SMAD3: variants seen among roughly 807,000 people sequenced by gnomAD.
SMAD3 encodes the protein SMAD family member 3.
A neutral mutation model predicts 51.8 loss-of-function variants in SMAD3; 12 were observed. That is an observed-to-expected ratio of 0.23 (90% CI 0.15 to 0.38). The LOEUF (loss-of-function observed/expected upper bound fraction) is 0.38, where lower values mean the gene tolerates loss of function less well. Among genes scored for constraint, SMAD3 ranks in the 10% least tolerant of loss-of-function variants. The pLI is 1.00. For missense variants in SMAD3, 294 were observed against 565.6 expected (o/e 0.52, Z 4.87); for synonymous variants, 238 against 227.7 (o/e 1.05, Z -0.41).
At chr15:67,117,714 G>T (rs1371566770) in intron 1 of SMAD3, among the ~76,000 whole-genome samples, 2 of 152,216 alleles carry the variant, frequency 1.3e-5, no homozygotes, top group African/African-American at 2.4e-5. Context: ...CTGGAAACAT[G>T]ATCAAGTGTA....
At chr15:67,135,334 C>A (rs1325567870) in intron 1 of SMAD3, among the ~76,000 whole-genome samples, 1 of 152,232 alleles carries the variant, frequency 6.6e-6, no homozygotes, top group Non-Finnish European at 1.5e-5. Flanking sequence ...AGCCTGCCCC[C>A]TTCACAGTCC....
chr15:67,128,109 T>C (rs1015734734), intron 1 of SMAD3: 1 of 152,218 alleles, frequency 6.6e-6, no homozygotes, highest in African/African-American at 2.4e-5. Flanking sequence ...TAACCAAGCC[T>C]TGGCCAGACG....
rs750432084 is a variant in SMAD3, at chr15:67,190,524, C to G, written c.1266C>G (p.Ser422=). 1 of 1,614,096 alleles carries G rather than the reference C, an allele frequency of 6.2e-7. No individual in the cohort carries two copies. Among genetic ancestry groups the G allele is most frequent in the South Asian group, 1.1e-5 (1 of 91,064 alleles). ...TQMGSPSIRC[S]SVS ...TGGGCTCCCCAAGCATCCGCTGTTC[C>G]AGTGTGTCTTAGAGACATCAAGTAT... The change falls in exon 9 of 9, where the codon TCC becomes TCG. Residue 422 remains serine (S), a synonymous_variant. Coordinates refer to ENST00000327367, the MANE Select transcript of SMAD3 (RefSeq NM_005902.4).
intron 1 of SMAD3, among the ~76,000 whole-genome samples, chr15:67,094,995 G>T (rs1960586194): frequency 1.3e-5 from 2 of 152,194 alleles, no homozygotes; most frequent in Admixed American, 6.5e-5. Flanking sequence ...AGTTTCTCCA[G>T]CAGTAAAATG....
intron 5 of SMAD3, among the ~76,000 whole-genome samples, chr15:67,176,337 G>A (rs543785968): frequency 1.3e-5 from 2 of 152,298 alleles, no homozygotes; most frequent in South Asian, 4.1e-4. Context: ...AGGCAGGACT[G>A]AGAAGTGGTG....
chr15:67,165,121 G>C, intron 2 of SMAD3, 33 bp downstream of exon 2: 2 of 1,612,642 alleles, frequency 1.2e-6, no homozygotes, highest in East Asian at 2.2e-5. Context: ...GGGGACAGCA[G>C]GTGCCAGGGG....
chr15:67,172,715 C>T (rs1300610448), intron 5 of SMAD3, among the ~76,000 whole-genome samples: 1 of 152,212 alleles, frequency 6.6e-6, no homozygotes, highest in East Asian at 1.9e-4. Context: ...AGATTCACAG[C>T]TAGTGAATGG....
intron 1 of SMAD3, among the ~76,000 whole-genome samples, chr15:67,104,870 C>A (rs184836945): frequency 7.2e-5 from 11 of 152,344 alleles, no homozygotes; most frequent in Admixed American, 3.3e-4. Context: ...GGATCCAGTT[C>A]TTCTCCCCCT....
At chr15:67,169,530 C>G (rs1012026177) in intron 4 of SMAD3, among the ~76,000 whole-genome samples, 2 of 152,062 alleles carry the variant, frequency 1.3e-5, no homozygotes, top group Admixed American at 1.3e-4. Context: ...GCTGCCCAGG[C>G]TGGTGTGCAG....
At chr15:67,144,953 TC>T (rs1961934937) in intron 1 of SMAD3, among the ~76,000 whole-genome samples, 1 of 152,052 alleles carries the variant, frequency 6.6e-6, no homozygotes, top group Non-Finnish European at 1.5e-5. Context: ...CCTTGTGGAT[TC>T]CCTCATCCTC....
intron 1 of SMAD3, among the ~76,000 whole-genome samples, chr15:67,067,231 C>T (rs559301592): frequency 6.6e-6 from 1 of 152,304 alleles, no homozygotes; most frequent in African/African-American, 2.4e-5. Context: ...TCCCAAAGCG[C>T]GCTGCCATCT....
intron 1 of SMAD3, among the ~76,000 whole-genome samples, chr15:67,092,556 C>T (rs980845113): frequency 3.3e-5 from 5 of 152,138 alleles, no homozygotes; most frequent in Non-Finnish European, 7.3e-5. Flanking sequence ...GTACACTCTC[C>T]GAGGGCTGCT....
chr15:67,096,871 T>C (rs181594441), intron 1 of SMAD3, among the ~76,000 whole-genome samples: 1 of 152,322 alleles, frequency 6.6e-6, no homozygotes, highest in East Asian at 1.9e-4. Flanking sequence ...ATTCCAAGCT[T>C]CCAGGTGGTG....
chr15:67,158,858 G>A (rs756373452), intron 1 of SMAD3, among the ~76,000 whole-genome samples: 8 of 152,130 alleles, frequency 5.3e-5, no homozygotes, highest in African/African-American at 9.7e-5. Context: ...AGGACCTACC[G>A]TGTTCCTTAC....
intron 1 of SMAD3, among the ~76,000 whole-genome samples, chr15:67,113,076 G>GTGTATA (rs763595789): frequency 5.7e-5 from 2 of 34,970 alleles, no homozygotes; most frequent in African/African-American, 1.0e-4. Flanking sequence ...ATATATATGT[G>GTGTATA]TATATATATA....
rs186852392 is a variant in SMAD3 at position 67,093,123 on chromosome 15, T to C, written c.206+26763T>C. On this transcript the variant is annotated intron_variant, in intron 1 of 8. Coordinates refer to ENST00000327367, the MANE Select transcript of SMAD3 (RefSeq NM_005902.4). The stretch of plus-strand genomic sequence containing the variant: ...CCTACAGTTACTATCTTTTCACTCA[T>C]GTCTAGCCACTTGTTAGAGGGGAAG... 7.7e-4 allele frequency among the ~76,000 whole-genome samples: 118 copies of C among 152,320 alleles called. 1 individual carries two copies. Among genetic ancestry groups the C allele is most frequent in the African/African-American group, 2.7e-3 (114 of 41,570 alleles).
chr15:67,172,445 C>A (rs572758307), intron 5 of SMAD3, among the ~76,000 whole-genome samples: 1 of 152,312 alleles, frequency 6.6e-6, no homozygotes, highest in African/African-American at 2.4e-5. Context: ...TTCATGAGCC[C>A]CTGTGCTCCC....
At position 67,165,314 on chromosome 15, in the gene SMAD3, C is replaced by T. The variant is rs756124653; in HGVS notation, c.462C>T (p.Asp154=). The T allele has an allele frequency of 6.8e-6, 11 of 1,614,188 alleles. No homozygotes were observed. Among genetic ancestry groups the T allele is most frequent in the Admixed American group, 3.3e-5 (2 of 60,030 alleles). ...TEIPAEFPPL[D]DYSHSIPENT... ...TCCCGGCCGAGTTCCCCCCACTGGA[C>T]GACTACAGCCATTCCATCCCCGAAA... is the stretch of plus-strand genomic sequence containing the variant. Residue 154 remains aspartate, a synonymous_variant, in exon 3 of 9, where the codon GAC becomes GAT. Coordinates refer to ENST00000327367, the MANE Select transcript of SMAD3 (RefSeq NM_005902.4).
In SMAD3 at chr15:67,117,202, A is replaced by C. The variant is rs929705508; in HGVS notation, c.207-47693A>C. Among the ~76,000 whole-genome samples, 4 of 152,220 alleles carry C rather than the reference A, an allele frequency of 2.6e-5. 1 individual carries two copies. The highest frequency in any genetic ancestry group is 5.9e-5 in the Non-Finnish European group (4 of 68,040). ...TCCTTTTTGAATGCACAGCATTTAC[A>C]GAGGCCTCACAGGCTGAAAATGGTA... On this transcript the variant is annotated intron_variant, in intron 1 of 8. Transcript: ENST00000327367.
Sources: allele counts gnomAD v4.1 joint callset (sites outside exome capture counted in the v4.1 genomes callset), GRCh38; gene constraint gnomAD v4.1.1; transcripts MANE v1.5; gene names NCBI Gene and HGNC (gene_info 2026-07-23, HGNC 2026-07-21).